Variants in CEP120 observed in about 807,000 individuals in gnomAD.
The protein encoded by CEP120 is centrosomal protein 120.
A neutral mutation model predicts 126.5 loss-of-function variants in CEP120; 113 were observed. That is an observed-to-expected ratio of 0.89 (90% CI 0.77 to 1.04). The LOEUF is 1.04. CEP120 is among the 50% of genes least tolerant of loss of function. The pLI is 0.00. For synonymous variants in CEP120, 400 were observed against 394.3 expected (o/e 1.01, Z -0.17); for missense variants, 1,230 against 1,155.7 (o/e 1.06, Z -0.93).
intron 5 of CEP120, among the ~76,000 whole-genome samples, chr5:123,398,119 A>C (rs1772918112): frequency 1.3e-5 from 2 of 152,166 alleles, no homozygotes; most frequent in Non-Finnish European, 2.9e-5. Context: ...ACTCTGATAA[A>C]AATTGTACAG....
chr5:123,347,430 G>A (rs1029944929), intron 19 of CEP120, among the ~76,000 whole-genome samples: 2 of 152,136 alleles, frequency 1.3e-5, no homozygotes, highest in Non-Finnish European at 2.9e-5. Flanking sequence ...GAGTTGAGTT[G>A]TATCTCTATT....
chr5:123,362,839 A>G (rs188983226), intron 18 of CEP120, among the ~76,000 whole-genome samples: 51 of 151,830 alleles, frequency 3.4e-4, no homozygotes, highest in African/African-American at 1.2e-3. Flanking sequence ...CAACAGATCC[A>G]TATTTCTAAC....
chr5:123,360,193 G>GTGTT (rs1289589029), intron 18 of CEP120, among the ~76,000 whole-genome samples: 1 of 151,940 alleles, frequency 6.6e-6, no homozygotes, highest in Non-Finnish European at 1.5e-5. Context: ...CACAATAAAT[G>GTGTT]TGTTTTTAAT....
chr5:123,415,297 G>C (rs1373249298), intron 3 of CEP120, among the ~76,000 whole-genome samples: 1 of 152,162 alleles, frequency 6.6e-6, no homozygotes, highest in Non-Finnish European at 1.5e-5. Context: ...GGAACAGGTA[G>C]TTATGGAGGA....
intron 17 of CEP120, among the ~76,000 whole-genome samples, chr5:123,369,505 C>CAAA (rs1285615181): frequency 1.3e-5 from 2 of 151,844 alleles, no homozygotes; most frequent in African/African-American, 4.8e-5. Flanking sequence ...ATACTTTGAA[C>CAAA]CTCATCTTGT....
intron 4 of CEP120, among the ~76,000 whole-genome samples, chr5:123,404,781 C>T (rs1290425803): frequency 6.6e-6 from 1 of 152,130 alleles, no homozygotes; most frequent in Non-Finnish European, 1.5e-5. Flanking sequence ...TAGGACATTC[C>T]ATGCAACATG....
chr5:123,397,967 C>T (rs1231057675), intron 5 of CEP120, among the ~76,000 whole-genome samples: 1 of 152,044 alleles, frequency 6.6e-6, no homozygotes, highest in East Asian at 1.9e-4. Flanking sequence ...GCCTATAATC[C>T]CAGCTACTCA....
chr5:123,423,136 A>G lies in CEP120; in HGVS notation c.-138T>C. On this transcript the variant is annotated 5_prime_UTR_variant, in exon 1 of 20. Coordinates refer to ENST00000306467, the MANE Select transcript of CEP120 (RefSeq NM_001375405.1). ...GATGCCCGGACCCCGCTCCGCAGCC[A>G]GGTCCCACCGCCGTCTGCTGCAGCG... The G allele has an allele frequency of 1.4e-6, 1 of 700,028 alleles. No individual in the cohort carries two copies. The highest frequency in any genetic ancestry group is 2.5e-6 in the Non-Finnish European group (1 of 402,200). 43.4% of individuals were successfully genotyped at this position (700,028 alleles called of 1,614,324 possible). A position where few individuals can be genotyped will look rare whatever the true frequency, so the allele number is the denominator to read the frequency against.
chr5:123,377,601 AAT>A, intron 15 of CEP120, 66 bp from the exon 16 acceptor site: 1 of 1,231,522 alleles, frequency 8.1e-7, no homozygotes, highest in Non-Finnish European at 1.1e-6. Context: ...TCGATATTCC[AAT>A]ATCTTTCTAT....
At chr5:123,347,684 C>T (rs1185248392) in intron 19 of CEP120, among the ~76,000 whole-genome samples, 4 of 152,050 alleles carry the variant, frequency 2.6e-5, no homozygotes, top group East Asian at 3.9e-4. Flanking sequence ...CTCACTCTGT[C>T]GCCCAGGCTG....
rs111549044 is a variant in CEP120, at chr5:123,421,743, T to C, written c.49+1207A>G. On this transcript the variant is annotated intron_variant, in intron 1 of 19. Transcript: ENST00000306467. ...TGGAGGTATTTGTTTCCTCATAGCATGGTCAGTTATAAGTCTAAAAACTGT... is the reference window on the plus strand; with the variant it reads ...TGGAGGTATTTGTTTCCTCATAGCACGGTCAGTTATAAGTCTAAAAACTGT... 5.8e-3 allele frequency among the ~76,000 whole-genome samples: 890 copies of C among 152,282 alleles called. 8 individuals carry two copies. The highest frequency in any genetic ancestry group is 0.02 in the African/African-American group (826 of 41,546).
chr5:123,411,773 A>G (rs1052965320), intron 4 of CEP120, among the ~76,000 whole-genome samples: 1 of 152,260 alleles, frequency 6.6e-6, no homozygotes, highest in Non-Finnish European at 1.5e-5. Flanking sequence ...GGATACTACA[A>G]GTCATTTACA....
Position 123,399,279 on chromosome 5 carries a change from C to T in CEP120, c.469G>A (p.Ala157Thr), listed in dbSNP as rs1379324177. 5.0e-6 allele frequency: 8 copies of T among 1,613,946 alleles called. 1 individual carries two copies. The highest frequency in any genetic ancestry group is 3.3e-4 in the Middle Eastern group (2 of 6,060). Residue 157 changes from alanine to threonine, a missense_variant, in exon 5 of 20, where the codon GCC (alanine) becomes ACC (threonine). Physicochemically the swap from Ala to Thr is moderately conservative, Grantham distance 58. Transcript: ENST00000306467. ...CTGGGGTCAAGTCCAGCCAGGATGG[C>T]AGGTACTTTACAGAGAAAAACACGA... ...GAPPRDGKVPAILAGLDPRDI... is the reference protein window; with the variant it reads ...GAPPRDGKVPTILAGLDPRDI...
At position 123,346,410 on chromosome 5, in the gene CEP120, A is replaced by C; in HGVS notation, c.*109T>G. On this transcript the variant is annotated 3_prime_UTR_variant, in exon 20 of 20. Transcript: ENST00000306467. ...CAATAACATACAAAATTTTGCTTAT[A>C]AAAAATTGAAAATACCATTTTAAAA... 2 of 821,776 alleles carry C rather than the reference A, an allele frequency of 2.4e-6. No homozygotes were observed. Among genetic ancestry groups the C allele is most frequent in the Non-Finnish European group, 3.7e-6 (2 of 540,164 alleles). The allele number at this position is 821,776 out of a possible 1,614,324, so 50.9% of individuals were successfully genotyped here.
chr5:123,393,136 A>G (rs1018929814), intron 6 of CEP120, among the ~76,000 whole-genome samples, 164 bp downstream of exon 6: 2 of 152,158 alleles, frequency 1.3e-5, no homozygotes, highest in Admixed American at 1.3e-4. Flanking sequence ...CAACAACTTC[A>G]TGACTCAGGA....
At chr5:123,422,144 A>G (rs1774755783) in intron 1 of CEP120, among the ~76,000 whole-genome samples, 1 of 152,172 alleles carries the variant, frequency 6.6e-6, no homozygotes, top group Non-Finnish European at 1.5e-5. Context: ...GCAAGGCAAA[A>G]CGTGTCTTGC....
In CEP120 at chr5:123,385,019, T is replaced by TA; in HGVS notation, c.1694dup (p.Leu565PhefsTer4). On this transcript the variant is annotated frameshift_variant, in exon 11 of 20. Coordinates refer to ENST00000306467, the MANE Select transcript of CEP120 (RefSeq NM_001375405.1). LOFTEE classifies it high-confidence loss of function. Reference sequence around the variant, plus strand: ...GCCAACACTGTTCACCATTAGAACCTAAAAAACGAGTTTTTTCTGAAGACA... The same window carrying TA: ...GCCAACACTGTTCACCATTAGAACCTAAAAAAACGAGTTTTTTCTGAAGACA... 6.2e-7 allele frequency: 1 copy of TA among 1,613,798 alleles called. No homozygotes were observed. The highest frequency in any genetic ancestry group is 8.5e-7 in the Non-Finnish European group (1 of 1,179,796).
At chr5:123,352,815 C>G (rs969980889) in intron 18 of CEP120, among the ~76,000 whole-genome samples, 4 of 151,920 alleles carry the variant, frequency 2.6e-5, no homozygotes, top group African/African-American at 9.7e-5. Flanking sequence ...GAATGGTTTA[C>G]CTAATTATGT....
chr5:123,382,586 A>G lies in CEP120; in HGVS notation c.2013+151T>C, dbSNP rs982736804. 5 of 673,106 alleles carry G rather than the reference A, an allele frequency of 7.4e-6. No homozygotes were observed. The African/African-American group carries it at 7.5e-5, about 10-fold the overall frequency. 41.7% of individuals were successfully genotyped at this position (673,106 alleles called of 1,614,324 possible). ...GGTGCCACATTTCAGGTATTTTTTG[A>G]TTCTCAAATTTTTTTAAGTAAAGCA... On this transcript the variant is annotated intron_variant, in intron 13 of 19. Transcript: ENST00000306467.
Sources: allele counts gnomAD v4.1 joint callset (sites outside exome capture counted in the v4.1 genomes callset), GRCh38; gene constraint gnomAD v4.1.1; transcripts MANE v1.5; gene names NCBI Gene and HGNC (gene_info 2026-07-23, HGNC 2026-07-21).